The following SIGMAR1 variants were observed in gnomAD, a reference collection of about 807,000 sequenced individuals.
SIGMAR1 encodes SR31747 binding protein 1.
Under a neutral mutation model 25.4 loss-of-function variants are expected in SIGMAR1, and 18 were observed. The ratio of observed to expected loss-of-function variants is 0.71; its 90% CI spans 0.49 to 1.05. SIGMAR1 has a LOEUF of 1.05. Ranked by LOEUF, SIGMAR1 falls within the 50% of genes least tolerant of loss-of-function variation. The pLI, the probability that SIGMAR1 is intolerant of heterozygous loss-of-function variation, is 0.00. For missense variants in SIGMAR1, 249 were observed against 301.6 expected, an observed-to-expected ratio of 0.83 and a Z score of 1.29; for synonymous variants, 125 against 131.6, an observed-to-expected ratio of 0.95 and a Z score of 0.34.
At position 34,635,947 on chromosome 9, in the gene SIGMAR1, G is replaced by A. The variant is rs1267933850; in HGVS notation, c.446-89C>T. 19 of 1,574,550 alleles carry A rather than the reference G, an allele frequency of 1.2e-5. No homozygotes were observed. The highest frequency in any genetic ancestry group is 1.6e-5 in the Non-Finnish European group (18 of 1,159,874). On this transcript the variant is annotated intron_variant, in intron 3 of 3. Transcript: ENST00000277010. The surrounding 1 kb of genome is among the most constrained non-coding windows in gnomAD (Gnocchi z 4.5). ...TCCCTGGCCCATGGACTAACTAGGG[G>A]TGGGGAATGGAGAGGGAGCTTCAGA...
chr9:34,637,502 C>G, intron 1 of SIGMAR1, 45 bp downstream of exon 1: 2 of 1,580,108 alleles, frequency 1.3e-6, no homozygotes, highest in Non-Finnish European at 1.7e-6. Context: ...CCCTAGGCTC[C>G]GCTCCCAGGC....
Position 34,637,686 on chromosome 9 carries a change from G to C in SIGMAR1, c.12C>G (p.Ala4=). 6.5e-7 allele frequency: 1 copy of C among 1,529,966 alleles called. No homozygotes were observed. The highest frequency in any genetic ancestry group is 8.7e-7 in the Non-Finnish European group (1 of 1,143,488). 94.8% of individuals were successfully genotyped at this position (1,529,966 alleles called of 1,614,324 possible). ...CGGCCCACGCCCACCGCCGGCCCAC[G>C]GCCCACTGCATCCCGGCGGGCGGCC... MQW[A]VGRRWAWAAL... Residue 4 remains alanine, a synonymous_variant, in exon 1 of 4, where the codon GCC becomes GCG. Transcript: ENST00000277010.
intron 1 of SIGMAR1, 26 bp from the exon 2 acceptor site, chr9:34,637,446 G>A: frequency 6.3e-7 from 1 of 1,595,232 alleles, no homozygotes; most frequent in Non-Finnish European, 8.5e-7. Context: ...GGGCGGCGGA[G>A]TCAGGGCTGG....
rs202244713 is a variant in SIGMAR1 at position 34,635,828 on chromosome 9, G to A, written c.476C>T (p.Ala159Val). The A allele has an allele frequency of 9.3e-6, 15 of 1,614,150 alleles. No homozygotes were observed. The East Asian group carries it at 3.1e-4, about 34-fold the overall frequency. Residue 159 changes from alanine (A) to valine (V), a missense_variant, in exon 4 of 4, where the codon GCA becomes GTA. By Grantham distance (64) the Ala-to-Val change is moderately conservative. Transcript: ENST00000277010. This position sits in a 1 kb window ranked among gnomAD's most constrained non-coding sequence, Gnocchi z 4.5. ...GETVVHGPGEATAVEWGPNTW... is the reference protein window; with the variant it reads ...GETVVHGPGEVTAVEWGPNTW... Reference sequence around the variant, plus strand: ...GTTTGGCCCCCACTCCACAGCTGTTGCCTCACCAGGCCCGTGTACTACCGT... The same window carrying A: ...GTTTGGCCCCCACTCCACAGCTGTTACCTCACCAGGCCCGTGTACTACCGT...
intron 2 of SIGMAR1, 30 bp from the exon 3 acceptor site, chr9:34,637,119 G>C: frequency 6.2e-7 from 1 of 1,612,854 alleles, no homozygotes; most frequent in Admixed American, 1.7e-5. Context: ...GACACTATCA[G>C]GGTATTCGCG....
At chr9:34,636,927 A>C in intron 3 of SIGMAR1, 70 bp downstream of exon 3, 4 of 1,279,450 alleles carry the variant, frequency 3.1e-6, no homozygotes, top group Admixed American at 1.9e-5. Context: ...TTTCCATGCC[A>C]TGCTCCCCGC....
At position 34,635,574 on chromosome 9, in the gene SIGMAR1, A is replaced by G. The variant is rs749412508; in HGVS notation, c.*58T>C. 9.9e-6 allele frequency: 16 copies of G among 1,608,898 alleles called. No individual in the cohort carries two copies. The South Asian group carries it at 1.7e-4, about 17-fold the overall frequency. On this transcript the variant is annotated 3_prime_UTR_variant, in exon 4 of 4. Coordinates refer to ENST00000277010, the MANE Select transcript of SIGMAR1 (RefSeq NM_005866.4). The surrounding 1 kb of genome is among the most constrained non-coding windows in gnomAD (Gnocchi z 4.5). ...TGTAAACATGGGCTCCAGCAAGTGG[A>G]TATGTGCGGGCCTGCCCGCTCCTGT...
rs772108933 is a variant in SIGMAR1, at chr9:34,635,586, C to T, written c.*46G>A. The T allele has an allele frequency of 3.7e-5, 60 of 1,612,034 alleles. 1 individual carries two copies. The highest frequency in any genetic ancestry group is 4.9e-5 in the Non-Finnish European group (58 of 1,179,232). On this transcript the variant is annotated 3_prime_UTR_variant, in exon 4 of 4. Coordinates refer to ENST00000277010, the MANE Select transcript of SIGMAR1 (RefSeq NM_005866.4). This position sits in a 1 kb window ranked among gnomAD's most constrained non-coding sequence, Gnocchi z 4.5. ...CTCCAGCAAGTGGATATGTGCGGGCCTGCCCGCTCCTGTCTATCCGCAGGT... is the reference window on the plus strand; with the variant it reads ...CTCCAGCAAGTGGATATGTGCGGGCTTGCCCGCTCCTGTCTATCCGCAGGT...
At position 34,635,681 on chromosome 9, in the gene SIGMAR1, C is replaced by A; in HGVS notation, c.623G>T (p.Arg208Leu). 1 of 1,614,206 alleles carries A rather than the reference C, an allele frequency of 6.2e-7. No homozygotes were observed. The highest frequency in any genetic ancestry group is 8.5e-7 in the Non-Finnish European group (1 of 1,180,028). The change falls in exon 4 of 4, where the codon CGG becomes CTG. Residue 208 changes from arginine to leucine, a missense_variant. Transcript: ENST00000277010. The surrounding 1 kb of genome is among the most constrained non-coding windows in gnomAD (Gnocchi z 4.5). ...GGTGGTGAGCTCAAGCCGGAGGCCC[C>A]GAGCATAGGAGCGAAGAGTATAGAA... ...TLFYTLRSYA[R>L]GLRLELTTYL...
intron 3 of SIGMAR1, 152 bp from the exon 4 acceptor site, chr9:34,636,010 G>T: frequency 1.8e-6 from 2 of 1,104,364 alleles, no homozygotes; most frequent in Non-Finnish European, 2.6e-6. Flanking sequence ...TGGCCCAGAT[G>T]GCCACTCCTA....
At position 34,637,585 on chromosome 9, in the gene SIGMAR1, T is replaced by C. The variant is rs771122111; in HGVS notation, c.113A>G (p.Gln38Arg). The C allele has an allele frequency of 1.3e-6, 2 of 1,571,608 alleles. No homozygotes were observed. Among genetic ancestry groups the C allele is most frequent in the East Asian group, 2.3e-5 (1 of 42,764 alleles). Residue 38 changes from glutamine (Q) to arginine (R), a missense_variant, in exon 1 of 4, where the codon CAG becomes CGG. Physicochemically the swap from Gln to Arg is conservative, Grantham distance 43 (BLOSUM62 1). Transcript: ENST00000277010. ...LWLGTQSFVF[Q>R]REEIAQLARQ... ...CGCCAACTGCGCTATCTCTTCGCGC[T>C]GGAAGACGAAGCTCTGCGTACCCAG...
chr9:34,637,234 G>T lies in SIGMAR1; in HGVS notation c.338C>A (p.Ser113Tyr). The change falls in exon 2 of 4, where the codon TCC becomes TAC. Residue 113 changes from serine to tyrosine, a missense_variant. By Grantham distance (144) the Ser-to-Tyr change is moderately radical. Transcript: ENST00000277010. ...CTAGCACTGACCCGAGTGGCCGCGG[G>T]AGCCCAAGGCGGTGCCGAAGAGCAG... Reference protein sequence around the residue: ...YVLLFGTALGSRGHSGRYWAE... With the variant: ...YVLLFGTALGYRGHSGRYWAE... The T allele has an allele frequency of 6.4e-7, 1 of 1,559,866 alleles. No homozygotes were observed.
At position 34,635,339 on chromosome 9, in the gene SIGMAR1, ATG is replaced by A. The variant is rs761118726; in HGVS notation, c.*291_*292del. ...GCCTCAGTTAGTGAGTCAAGCTGTG[ATG>A]TGTGTGTCTGAACACAACTGGCTCC... On this transcript the variant is annotated 3_prime_UTR_variant, in exon 4 of 4. Coordinates refer to ENST00000277010, the MANE Select transcript of SIGMAR1 (RefSeq NM_005866.4). This position sits in a 1 kb window ranked among gnomAD's most constrained non-coding sequence, Gnocchi z 4.5. The A allele has an allele frequency of 2.2e-5, 10 of 455,228 alleles. No homozygotes were observed. The highest frequency in any genetic ancestry group is 2.1e-4 in the South Asian group (10 of 48,558). The allele number at this position is 455,228 out of a possible 1,614,324, so 28.2% of individuals were successfully genotyped here.
In SIGMAR1 at chr9:34,637,552, T is replaced by G. The variant is rs1194014727; in HGVS notation, c.146A>C (p.Tyr49Ser). ...CCTGCCCTCTGCCCGCTCACCAGCGTACTGCCGCGCCAACTGCGCTATCTC... is the reference window on the plus strand; with the variant it reads ...CCTGCCCTCTGCCCGCTCACCAGCGGACTGCCGCGCCAACTGCGCTATCTC... ...REEIAQLARQ[Y>S]AGLDHELAFS... is the part of the protein sequence containing the mutation. The change falls in exon 1 of 4, where the codon TAC (tyrosine) becomes TCC (serine). Residue 49 changes from tyrosine (Y) to serine (S), a missense_variant. Transcript: ENST00000277010. 1.5e-5 allele frequency: 23 copies of G among 1,584,470 alleles called. No homozygotes were observed. The highest frequency in any genetic ancestry group is 1.9e-5 in the Non-Finnish European group (22 of 1,169,708).
chr9:34,635,667 C>G lies in SIGMAR1; in HGVS notation c.637G>C (p.Glu213Gln). 5 of 1,614,238 alleles carry G rather than the reference C, an allele frequency of 3.1e-6. No individual in the cohort carries two copies. The highest frequency in any genetic ancestry group is 4.2e-6 in the Non-Finnish European group (5 of 1,180,044). The part of the protein sequence containing the change: ...LRSYARGLRL[E>Q]LTTYLFGQDP ...TGGCCAAAGAGGTAGGTGGTGAGCT[C>G]AAGCCGGAGGCCCCGAGCATAGGAG... The change falls in exon 4 of 4, where the codon GAG becomes CAG. Residue 213 changes from glutamate to glutamine, a missense_variant. Coordinates refer to ENST00000277010, the MANE Select transcript of SIGMAR1 (RefSeq NM_005866.4). This position sits in a 1 kb window ranked among gnomAD's most constrained non-coding sequence, Gnocchi z 4.5.
At position 34,635,473 on chromosome 9, in the gene SIGMAR1, GT is replaced by G. The variant is rs1564094664; in HGVS notation, c.*158del. ...GTCTCATTTGTTCCCATGGGTCTCT[GT>G]GTTTGGATACATAAGCATGGATATC... On this transcript the variant is annotated 3_prime_UTR_variant, in exon 4 of 4. Coordinates refer to ENST00000277010, the MANE Select transcript of SIGMAR1 (RefSeq NM_005866.4). This position sits in a 1 kb window ranked among gnomAD's most constrained non-coding sequence, Gnocchi z 4.5. 1 of 1,100,976 alleles carries G rather than the reference GT, an allele frequency of 9.1e-7. No homozygotes were observed. Among genetic ancestry groups the G allele is most frequent in the Non-Finnish European group, 1.3e-6 (1 of 752,078 alleles). 68.2% of individuals were successfully genotyped at this position (1,100,976 alleles called of 1,614,324 possible). A position where few individuals can be genotyped will look rare whatever the true frequency, so the allele number is the denominator to read the frequency against.
rs1482584320 is a variant in SIGMAR1, at chr9:34,637,668, C to A, written c.30G>T (p.Ala10=). 3 of 1,533,310 alleles carry A rather than the reference C, an allele frequency of 2.0e-6. No individual in the cohort carries two copies. Among genetic ancestry groups the A allele is most frequent in the Non-Finnish European group, 2.6e-6 (3 of 1,145,076 alleles). 95.0% of individuals were successfully genotyped at this position (1,533,310 alleles called of 1,614,324 possible). The change falls in exon 1 of 4, where the codon GCG becomes GCT. Residue 10 remains alanine, a synonymous_variant. Coordinates refer to ENST00000277010, the MANE Select transcript of SIGMAR1 (RefSeq NM_005866.4). MQWAVGRRW[A]WAALLLAVAA... ...CGACAGCCAGGAGCAGCGCGGCCCA[C>A]GCCCACCGCCGGCCCACGGCCCACT...
chr9:34,635,365 C>A lies in SIGMAR1; in HGVS notation c.*267G>T, dbSNP rs1393236308. The A allele has an allele frequency of 2.0e-6, 1 of 510,742 alleles. No individual in the cohort carries two copies. The highest frequency in any genetic ancestry group is 3.6e-6 in the Non-Finnish European group (1 of 280,018). The allele number at this position is 510,742 out of a possible 1,614,324, so 31.6% of individuals were successfully genotyped here. A position where few individuals can be genotyped will look rare whatever the true frequency, so the allele number is the denominator to read the frequency against. On this transcript the variant is annotated 3_prime_UTR_variant, in exon 4 of 4. Coordinates refer to ENST00000277010, the MANE Select transcript of SIGMAR1 (RefSeq NM_005866.4). The surrounding 1 kb of genome is among the most constrained non-coding windows in gnomAD (Gnocchi z 4.5). ...TGTGTGTGTCTGAACACAACTGGCT[C>A]CCTTGGTATACCGGGGGCTCCCTCT... is the stretch of plus-strand genomic sequence containing the variant.
chr9:34,636,008 A>G, intron 3 of SIGMAR1, 150 bp from the exon 4 acceptor site: 1 of 1,117,908 alleles, frequency 8.9e-7, no homozygotes, highest in Non-Finnish European at 1.3e-6. Flanking sequence ...GCTGGCCCAG[A>G]TGGCCACTCC....
Sources: allele counts gnomAD v4.1 joint callset, GRCh38; gene constraint gnomAD v4.1.1; non-coding constraint Gnocchi (gnomAD v3.1); transcripts MANE v1.5; gene names NCBI Gene and HGNC (gene_info 2026-07-23, HGNC 2026-07-21).